Variants in TANGO6 observed in about 807,000 individuals in gnomAD.
TANGO6 encodes transport and Golgi organization protein 6 homolog.
In TANGO6, 90 loss-of-function variants were observed where a neutral mutation model predicts 114.2. That is an observed-to-expected ratio of 0.79 (90% CI 0.66 to 0.94). The LOEUF (loss-of-function observed/expected upper bound fraction) is 0.94. Ranked by LOEUF, TANGO6 falls within the 40% of genes least tolerant of loss-of-function variation. The pLI is 0.00. For missense variants in TANGO6, 1,274 were observed against 1,315.3 expected (o/e 0.97, Z 0.49); for synonymous variants, 477 against 509.8 (o/e 0.94, Z 0.87).
At chr16:69,073,248 A>G (rs1960322643) in intron 17 of TANGO6, among the ~76,000 whole-genome samples, 1 of 152,186 alleles carries the variant, frequency 6.6e-6, no homozygotes, top group South Asian at 2.1e-4. Context: ...AGTTCCCCCA[A>G]GCCATTTCCT....
chr16:68,938,077 A>G (rs567792809), intron 14 of TANGO6, among the ~76,000 whole-genome samples: 19 of 152,286 alleles, frequency 1.2e-4, no homozygotes, highest in South Asian at 1.2e-3. Flanking sequence ...GAGTGTTCCA[A>G]TTTTTCCACA....
chr16:68,956,861 A>G (rs552808111), intron 14 of TANGO6, among the ~76,000 whole-genome samples: 9 of 152,126 alleles, frequency 5.9e-5, no homozygotes, highest in Non-Finnish European at 8.8e-5. Flanking sequence ...TCAAAAGAAA[A>G]AAAAGGAAAA....
chr16:68,861,363 G>A (rs942228638), intron 2 of TANGO6, among the ~76,000 whole-genome samples: 9 of 152,186 alleles, frequency 5.9e-5, no homozygotes, highest in South Asian at 2.1e-4. Context: ...CTGTGTCATC[G>A]TTGTCGTTGT....
At chr16:69,067,518 CAAAAA>C (rs1199698790) in intron 17 of TANGO6, among the ~76,000 whole-genome samples, 1,417 of 43,726 alleles carry the variant, frequency 0.032, 43 homozygotes, top group South Asian at 0.11. Flanking sequence ...AACTCCATCT[CAAAAA>C]AAAAAAAAAA....
At chr16:68,962,379 T>C (rs1173682237) in intron 14 of TANGO6, among the ~76,000 whole-genome samples, 1 of 152,212 alleles carries the variant, frequency 6.6e-6, no homozygotes, top group Non-Finnish European at 1.5e-5. Context: ...GAAAACTTTA[T>C]TGTGCCTTCC....
intron 15 of TANGO6, among the ~76,000 whole-genome samples, chr16:68,982,654 T>G (rs1349243199): frequency 7.0e-6 from 1 of 142,964 alleles, no homozygotes; most frequent in East Asian, 2.1e-4. Context: ...TTTTTTTTTG[T>G]AGAGACAGGG....
chr16:69,080,875 A>G (rs1190530308), intron 17 of TANGO6, among the ~76,000 whole-genome samples: 2 of 152,280 alleles, frequency 1.3e-5, no homozygotes, highest in East Asian at 1.9e-4. Flanking sequence ...GCGGTGGCTC[A>G]CGCCTATAAT....
At chr16:68,903,879 G>A (rs990972214) in intron 9 of TANGO6, among the ~76,000 whole-genome samples, 13 of 150,488 alleles carry the variant, frequency 8.6e-5, no homozygotes, top group Non-Finnish European at 1.6e-4. Flanking sequence ...CCAAGATTGC[G>A]CCACTGCACT....
chr16:68,968,334 G>C (rs908014639), intron 14 of TANGO6, among the ~76,000 whole-genome samples: 4 of 151,520 alleles, frequency 2.6e-5, no homozygotes, highest in Non-Finnish European at 5.9e-5. Flanking sequence ...AAAGTGCTGG[G>C]ATTACAGATG....
chr16:68,935,127 G>A (rs1048244873), intron 14 of TANGO6, among the ~76,000 whole-genome samples: 4 of 152,224 alleles, frequency 2.6e-5, no homozygotes, highest in South Asian at 2.1e-4. Context: ...TGCATTGCCA[G>A]TGTAGTTTGC....
chr16:68,902,742 A>G (rs1458755767), intron 9 of TANGO6, among the ~76,000 whole-genome samples: 1 of 152,224 alleles, frequency 6.6e-6, no homozygotes, highest in African/African-American at 2.4e-5. Flanking sequence ...TCTGCATCAC[A>G]ACAAGCCCAC....
Position 68,867,179 on chromosome 16 carries a change from G to T in TANGO6, c.953G>T (p.Gly318Val). ...LLSERLMRPN[G>V]VQAVVRGILE... is the part of the protein sequence containing the mutation. The stretch of plus-strand genomic sequence containing the variant: ...TCTGAAAGGTTAATGAGACCTAATG[G>T]TGTTCAGGCAGTAGTCCGGGGCATT... Residue 318 changes from glycine to valine, a missense_variant, in exon 4 of 18, where the codon GGT becomes GTT. Gly to Val is a moderately radical substitution (Grantham distance 109, BLOSUM62 -3). Around this residue, in one of 5 missense-constraint regions of TANGO6, gnomAD observed 908 missense variants for 910.2 expected, o/e 1.00. Coordinates refer to ENST00000261778, the MANE Select transcript of TANGO6 (RefSeq NM_024562.2). The T allele has an allele frequency of 1.2e-6, 2 of 1,613,866 alleles. No individual in the cohort carries two copies. Among genetic ancestry groups the T allele is most frequent in the Non-Finnish European group, 1.7e-6 (2 of 1,179,874 alleles).
chr16:68,942,626 C>T (rs1457700354), intron 14 of TANGO6, among the ~76,000 whole-genome samples: 2 of 152,056 alleles, frequency 1.3e-5, no homozygotes, highest in Non-Finnish European at 2.9e-5. Context: ...GTGAGGAATA[C>T]AGAATCAAAT....
chr16:68,886,055 T>A (rs1457665076), intron 7 of TANGO6, among the ~76,000 whole-genome samples: 1 of 152,194 alleles, frequency 6.6e-6, no homozygotes, highest in African/African-American at 2.4e-5. Context: ...TTTTTACCTG[T>A]CTTGTCTTTT....
intron 15 of TANGO6, among the ~76,000 whole-genome samples, chr16:69,005,704 C>T (rs182424433): frequency 6.6e-6 from 1 of 151,568 alleles, no homozygotes; most frequent in Non-Finnish European, 1.5e-5. Flanking sequence ...AGGAGAATCA[C>T]TTGAACCCGG....
At chr16:68,940,836 TG>T (rs1279380463) in intron 14 of TANGO6, among the ~76,000 whole-genome samples, 3 of 152,220 alleles carry the variant, frequency 2.0e-5, no homozygotes, top group Non-Finnish European at 4.4e-5. Context: ...AGCTTTCTTT[TG>T]GGAACATAAT....
intron 15 of TANGO6, among the ~76,000 whole-genome samples, chr16:68,978,894 C>A: frequency 6.7e-6 from 1 of 149,562 alleles, no homozygotes; most frequent in Non-Finnish European, 1.5e-5. Flanking sequence ...TGAGGTAATA[C>A]ATATATACAG....
intron 16 of TANGO6, among the ~76,000 whole-genome samples, chr16:69,030,516 T>C (rs1034567313): frequency 6.6e-6 from 1 of 151,550 alleles, no homozygotes; most frequent in Non-Finnish European, 1.5e-5. Flanking sequence ...TTCCAAATGC[T>C]GGAGTAAAGG....
In TANGO6 at chr16:68,872,089, T is replaced by G. The variant is rs981825674; in HGVS notation, c.995-3065T>G. On this transcript the variant is annotated intron_variant, in intron 4 of 17. Transcript: ENST00000261778. Reference sequence around the variant, plus strand: ...TACTAAAAATACAAAAAATTAGTGGTGCGTGCCTGTAGTCCCAGCTACTCA... The same window carrying G: ...TACTAAAAATACAAAAAATTAGTGGGGCGTGCCTGTAGTCCCAGCTACTCA... Among the ~76,000 whole-genome samples the G allele has an allele frequency of 3.3e-5, 5 of 151,606 alleles. No homozygotes were observed. The East Asian group carries it at 1.0e-3, about 31-fold the overall frequency.
Sources: gnomAD v4.1 joint callset for allele counts (sites outside exome capture counted in the v4.1 genomes callset) on GRCh38, gnomAD v4.1.1 for gene constraint, gnomAD v4.1.1 regional missense constraint, MANE v1.5 for transcripts, NCBI Gene and HGNC (gene_info 2026-07-23, HGNC 2026-07-21) for gene names.